Variants in ASTN2 observed in about 807,000 individuals in gnomAD.
ASTN2 encodes astrotactin-2.
In ASTN2, 54 loss-of-function variants were observed where a neutral mutation model predicts 139.8. The ratio of observed to expected loss-of-function variants is 0.39; its 90% CI spans 0.31 to 0.48. The LOEUF is 0.48. ASTN2 is among the 20% of genes least tolerant of loss of function. The pLI is 0.95. For synonymous variants in ASTN2, 756 were observed against 719.5 expected (o/e 1.05, Z -0.81); for missense variants, 1,565 against 1,725.1 (o/e 0.91, Z 1.64).
intron 19 of ASTN2, among the ~76,000 whole-genome samples, chr9:116,539,374 T>C (rs868833701): frequency 2.1e-5 from 3 of 145,880 alleles, no homozygotes; most frequent in Admixed American, 2.0e-4. Flanking sequence ...TAAAAAAATC[T>C]ATGAGGGAGG....
chr9:116,694,920 A>C (rs180759209), intron 16 of ASTN2, among the ~76,000 whole-genome samples: 2 of 152,208 alleles, frequency 1.3e-5, no homozygotes, highest in African/African-American at 4.8e-5. Flanking sequence ...TATGGATTTG[A>C]GTCATAATGG....
chr9:116,729,066 T>C lies in ASTN2; in HGVS notation c.2552A>G (p.Tyr851Cys). 1 of 1,596,796 alleles carries C rather than the reference T, an allele frequency of 6.3e-7. No individual in the cohort carries two copies. The highest frequency in any genetic ancestry group is 8.5e-7 in the Non-Finnish European group (1 of 1,171,048). ...GACCCGCCACTGCTGCACCATGGGG[T>C]AACCCATGGCCTCATCATACCTGAT... ...GDIRYDEAMG[Y>C]PMVQQWRVRS... Residue 851 changes from tyrosine (Y) to cysteine (C), a missense_variant, in exon 15 of 23, where the codon TAC becomes TGC. Physicochemically the swap from Tyr to Cys is radical, Grantham distance 194. Coordinates refer to ENST00000313400, the MANE Select transcript of ASTN2 (RefSeq NM_001365068.1).
rs567336091 is a variant in ASTN2, at chr9:117,081,527, T to C, written c.1276+14517A>G. Among the ~76,000 whole-genome samples, 4 of 152,332 alleles carry C rather than the reference T, an allele frequency of 2.6e-5. No individual in the cohort carries two copies. In the East Asian group the frequency reaches 5.8e-4, roughly 22 times the overall value. ...CTTAATGTGGGTGCCACTGTGACTA[T>C]GATAGGATATCACTCCATAATTAGA... On this transcript the variant is annotated intron_variant, in intron 5 of 22. Coordinates refer to ENST00000313400, the MANE Select transcript of ASTN2 (RefSeq NM_001365068.1).
chr9:117,374,939 G>T (rs1322641501), intron 1 of ASTN2, among the ~76,000 whole-genome samples: 2 of 152,172 alleles, frequency 1.3e-5, no homozygotes, highest in African/African-American at 4.8e-5. Context: ...AGCTTCTGTG[G>T]TTCCCCACCC....
intron 10 of ASTN2, among the ~76,000 whole-genome samples, chr9:116,957,436 A>G (rs1040929334): frequency 6.6e-6 from 1 of 152,194 alleles, no homozygotes; most frequent in African/African-American, 2.4e-5. Flanking sequence ...AGATAGTACT[A>G]TTACCTAATC....
At chr9:117,185,995 CAG>C (rs936508679) in intron 3 of ASTN2, among the ~76,000 whole-genome samples, 6 of 152,174 alleles carry the variant, frequency 3.9e-5, no homozygotes, top group African/African-American at 1.4e-4. Flanking sequence ...GTACGGGAAG[CAG>C]AGTTATTGGT....
intron 3 of ASTN2, among the ~76,000 whole-genome samples, chr9:117,191,899 T>C (rs951898889): frequency 3.9e-5 from 6 of 152,024 alleles, no homozygotes; most frequent in Admixed American, 1.3e-4. Context: ...AAAGCGGGGC[T>C]CTGAGGGAGT....
At chr9:116,745,227 C>A (rs566543384) in intron 13 of ASTN2, among the ~76,000 whole-genome samples, 6 of 152,262 alleles carry the variant, frequency 3.9e-5, no homozygotes, top group African/African-American at 2.4e-5. Context: ...GACTGACTAC[C>A]AATCCCTATT....
chr9:117,202,101 CCTTGT>C lies in ASTN2; in HGVS notation c.1015+12252_1015+12256del, dbSNP rs537144899. The stretch of plus-strand genomic sequence containing the variant: ...CCTGTTACCATTATGTAATGCCCTT[CCTTGT>C]CTTTTTTGATCTTTGTTGGTTTAAA... On this transcript the variant is annotated intron_variant, in intron 3 of 22. Coordinates refer to ENST00000313400, the MANE Select transcript of ASTN2 (RefSeq NM_001365068.1). Among the ~76,000 whole-genome samples the C allele has an allele frequency of 8.5e-3, 1,290 of 152,228 alleles. 23 individuals carry two copies. The highest frequency in any genetic ancestry group is 0.03 in the African/African-American group (1,232 of 41,550).
chr9:117,260,919 A>G (rs1475947452), intron 2 of ASTN2, among the ~76,000 whole-genome samples: 1 of 152,222 alleles, frequency 6.6e-6, no homozygotes, highest in African/African-American at 2.4e-5. Context: ...ACAACTGAAA[A>G]GTATGCTACA....
At chr9:116,599,672 A>G (rs1854770461) in intron 19 of ASTN2, among the ~76,000 whole-genome samples, 1 of 152,234 alleles carries the variant, frequency 6.6e-6, no homozygotes, top group South Asian at 2.1e-4. Context: ...TGAGGAAGTC[A>G]TAGTGGAAAT....
intron 2 of ASTN2, among the ~76,000 whole-genome samples, chr9:117,277,725 G>A (rs1834228466): frequency 6.6e-6 from 1 of 152,170 alleles, no homozygotes; most frequent in African/African-American, 2.4e-5. Context: ...CCAATATTAT[G>A]TTGCTTATGT....
chr9:117,033,511 G>T (rs1176686280), intron 6 of ASTN2, among the ~76,000 whole-genome samples: 1 of 152,186 alleles, frequency 6.6e-6, no homozygotes, highest in Admixed American at 6.5e-5. Context: ...AAATGTTTAA[G>T]TAACTAGCAC....
At chr9:117,202,563 G>T (rs1340667116) in intron 3 of ASTN2, among the ~76,000 whole-genome samples, 1 of 152,118 alleles carries the variant, frequency 6.6e-6, no homozygotes, top group East Asian at 1.9e-4. Context: ...GCATTTGCTT[G>T]TCTGGAAAAG....
intron 22 of ASTN2, among the ~76,000 whole-genome samples, chr9:116,429,428 G>C (rs964189659): frequency 1.3e-5 from 2 of 149,540 alleles, no homozygotes; most frequent in African/African-American, 4.9e-5. Context: ...GTGTTGGTTT[G>C]ATTTTTCTCT....
intron 4 of ASTN2, among the ~76,000 whole-genome samples, chr9:117,104,315 T>C (rs1168721417): frequency 1.3e-5 from 2 of 152,158 alleles, no homozygotes; most frequent in African/African-American, 2.4e-5. Context: ...CATAAGACCA[T>C]TGAAAACAGT....
intron 19 of ASTN2, among the ~76,000 whole-genome samples, chr9:116,539,379 G>A (rs1851783113): frequency 7.0e-6 from 1 of 143,782 alleles, no homozygotes; most frequent in Non-Finnish European, 1.5e-5. Context: ...AAATCTATGA[G>A]GGAGGGAAAA....
intron 6 of ASTN2, among the ~76,000 whole-genome samples, chr9:117,011,383 C>T (rs1406720958): frequency 6.6e-6 from 1 of 152,142 alleles, no homozygotes; most frequent in Non-Finnish European, 1.5e-5. Context: ...CCAGAGAGTT[C>T]CCTCACTCCT....
intron 19 of ASTN2, among the ~76,000 whole-genome samples, chr9:116,580,084 T>C (rs1853888212): frequency 6.6e-6 from 1 of 152,190 alleles, no homozygotes; most frequent in Non-Finnish European, 1.5e-5. Flanking sequence ...CCTCCCAAAG[T>C]GCTGGGATTA....
Sources: gnomAD v4.1 joint callset for allele counts (sites outside exome capture counted in the v4.1 genomes callset) on GRCh38, gnomAD v4.1.1 for gene constraint, MANE v1.5 for transcripts, NCBI Gene and HGNC (gene_info 2026-07-23, HGNC 2026-07-21) for gene names.